Variants in COL11A1 observed in about 807,000 individuals in gnomAD.
COL11A1 encodes the protein collagen type XI alpha 1 chain.
COL11A1 carries 74 observed loss-of-function variants against 265.2 expected under a neutral mutation model. The ratio of observed to expected loss-of-function variants is 0.28; its 90% confidence interval spans 0.23 to 0.34. The LOEUF is 0.34. Ranked by LOEUF, COL11A1 falls within the 10% of genes least tolerant of loss-of-function variation. The probability of loss-of-function intolerance (pLI) is 1.00; values close to 1 mark genes in which losing one functional copy is unlikely to be tolerated. For missense variants in COL11A1, 2,165 were observed against 2,263.6 expected (o/e 0.96, Z 0.88); for synonymous variants, 816 against 727.6 (o/e 1.12, Z -1.96).
At position 103,082,910 on chromosome 1, in the gene COL11A1, T is replaced by G; in HGVS notation, c.169A>C (p.Thr57Pro). 6.2e-7 allele frequency: 1 copy of G among 1,613,588 alleles called. No homozygotes were observed. The highest frequency in any genetic ancestry group is 8.5e-7 in the Non-Finnish European group (1 of 1,179,686). The change falls in exon 2 of 67, where the codon ACA becomes CCA. Residue 57 changes from threonine (T) to proline (P), a missense_variant. Coordinates refer to ENST00000370096, the MANE Select transcript of COL11A1 (RefSeq NM_001854.4). ...TTTCTGTTTGTGCAAAATCCCGTTG[T>G]TTTTGATATTCCCTCTGGAGAATTG... The part of the protein sequence containing the change: ...FHNSPEGISK[T>P]TGFCTNRKNS...
chr1:102,926,749 TAC>T (rs1656638600), intron 46 of COL11A1, among the ~76,000 whole-genome samples: 1 of 152,128 alleles, frequency 6.6e-6, no homozygotes. Context: ...GTTTCTAAAT[TAC>T]AGTTTTATAG....
At chr1:102,923,899 C>CT (rs1656272540) in intron 46 of COL11A1, among the ~76,000 whole-genome samples, 1 of 151,860 alleles carries the variant, frequency 6.6e-6, no homozygotes, top group Admixed American at 6.6e-5. Context: ...ATGAAACCTA[C>CT]TATATTATAC....
intron 37 of COL11A1, among the ~76,000 whole-genome samples, chr1:102,966,230 A>C (rs1661391197): frequency 6.6e-6 from 1 of 152,178 alleles, no homozygotes; most frequent in Non-Finnish European, 1.5e-5. Flanking sequence ...AATTGTGTGA[A>C]TATAGGTAAA....
intron 4 of COL11A1, among the ~76,000 whole-genome samples, chr1:103,068,238 T>C (rs1021883010): frequency 2.7e-4 from 41 of 151,806 alleles, no homozygotes; most frequent in African/African-American, 9.6e-4. Context: ...TAAGATAACA[T>C]ACTGCATGAC....
intron 5 of COL11A1, among the ~76,000 whole-genome samples, chr1:103,030,614 A>G (rs1263810002): frequency 6.6e-6 from 1 of 151,866 alleles, no homozygotes; most frequent in Non-Finnish European, 1.5e-5. Context: ...AATTCCTTCC[A>G]TTTCACATGC....
At position 102,911,420 on chromosome 1, in the gene COL11A1, A is replaced by G. The variant is rs56908914; in HGVS notation, c.4086+739T>C. The stretch of plus-strand genomic sequence containing the variant: ...ATTGCCCTGTGACTTTGGATTACTG[A>G]AGAGGGAATCAGCCTCATAAATATA... On this transcript the variant is annotated intron_variant, in intron 54 of 66. Coordinates refer to ENST00000370096, the MANE Select transcript of COL11A1 (RefSeq NM_001854.4). 8.1e-3 allele frequency among the ~76,000 whole-genome samples: 1,229 copies of G among 152,266 alleles called. 19 individuals carry two copies. Among genetic ancestry groups the G allele is most frequent in the African/African-American group, 0.029 (1,188 of 41,572 alleles).
At chr1:103,097,812 T>G (rs1045508926) in intron 1 of COL11A1, among the ~76,000 whole-genome samples, 1 of 152,012 alleles carries the variant, frequency 6.6e-6, no homozygotes, top group Non-Finnish European at 1.5e-5. Context: ...TTTCACTCCA[T>G]GAGAATAGAG....
chr1:102,973,549 T>A (rs1227424408), intron 36 of COL11A1, among the ~76,000 whole-genome samples: 8 of 152,158 alleles, frequency 5.3e-5, no homozygotes, highest in Admixed American at 5.2e-4. Context: ...CTTAAAATAA[T>A]TATAAGAATG....
intron 57 of COL11A1, among the ~76,000 whole-genome samples, chr1:102,892,002 C>T (rs552903667): frequency 1.2e-4 from 19 of 152,146 alleles, no homozygotes; most frequent in South Asian, 8.3e-4. Flanking sequence ...AGTGAAACTA[C>T]GCAGGCAACA....
intron 4 of COL11A1, among the ~76,000 whole-genome samples, chr1:103,055,369 T>C (rs999187230): frequency 2.7e-4 from 41 of 152,232 alleles, no homozygotes; most frequent in Non-Finnish European, 4.3e-4. Flanking sequence ...TGGAAGACCT[T>C]CTACACATTT....
At chr1:102,897,111 T>A (rs1194307585) in intron 57 of COL11A1, among the ~76,000 whole-genome samples, 2 of 152,046 alleles carry the variant, frequency 1.3e-5, no homozygotes, top group Admixed American at 6.6e-5. Context: ...GTTTAAATAA[T>A]CTCTTTAAAA....
intron 54 of COL11A1, among the ~76,000 whole-genome samples, chr1:102,901,965 G>C (rs185570726): frequency 3.6e-4 from 55 of 152,092 alleles, no homozygotes; most frequent in Middle Eastern, 3.4e-3. Context: ...TTAACAAATA[G>C]AACACTGTAA....
intron 41 of COL11A1, among the ~76,000 whole-genome samples, chr1:102,960,179 A>G (rs746946466): frequency 2.2e-4 from 33 of 152,162 alleles, no homozygotes; most frequent in Non-Finnish European, 4.6e-4. Context: ...CCACATTTCC[A>G]TAATTATGTC....
intron 46 of COL11A1, among the ~76,000 whole-genome samples, chr1:102,933,730 G>C (rs1163239842): frequency 6.6e-6 from 1 of 152,166 alleles, no homozygotes; most frequent in Non-Finnish European, 1.5e-5. Context: ...TGCTGTGCTA[G>C]CAATCAGCGA....
At chr1:103,003,355 A>C (rs1571000921) in intron 20 of COL11A1, 87 bp from the exon 21 acceptor site, 1 of 1,327,258 alleles carries the variant, frequency 7.5e-7, no homozygotes, top group Non-Finnish European at 1.1e-6. Flanking sequence ...TCCTAAGGTT[A>C]TTTTTAGAAT....
At chr1:102,915,980 T>A (rs1324219008) in intron 49 of COL11A1, among the ~76,000 whole-genome samples, 1 of 152,162 alleles carries the variant, frequency 6.6e-6, no homozygotes, top group Non-Finnish European at 1.5e-5. Context: ...TATGCATGTT[T>A]CCTAAAATAT....
intron 1 of COL11A1, among the ~76,000 whole-genome samples, chr1:103,085,608 C>A (rs554715516): frequency 2.6e-5 from 4 of 152,124 alleles, no homozygotes; most frequent in Admixed American, 2.6e-4. Flanking sequence ...GACTTATATT[C>A]TATTGGCTTC....
chr1:102,964,722 T>C (rs1661244957), intron 38 of COL11A1, among the ~76,000 whole-genome samples: 1 of 152,036 alleles, frequency 6.6e-6, no homozygotes, highest in Non-Finnish European at 1.5e-5. Flanking sequence ...ACCAATTAAA[T>C]AATTAAAATA....
intron 1 of COL11A1, among the ~76,000 whole-genome samples, chr1:103,098,404 T>C (rs957881711): frequency 2.6e-4 from 40 of 151,926 alleles, no homozygotes; most frequent in African/African-American, 9.2e-4. Flanking sequence ...AAACCCCTGC[T>C]TCTGCATCAA....
Sources: gnomAD v4.1 joint callset for allele counts (sites outside exome capture counted in the v4.1 genomes callset) on GRCh38, gnomAD v4.1.1 for gene constraint, MANE v1.5 for transcripts, NCBI Gene and HGNC (gene_info 2026-07-23, HGNC 2026-07-21) for gene names.